The following FMN2 variants were observed in gnomAD, a reference collection of about 807,000 sequenced individuals.
FMN2 encodes formin-2.
Under a neutral mutation model 142.3 loss-of-function variants are expected in FMN2, and 51 were observed. The ratio of observed to expected loss-of-function variants is 0.36; its 90% CI spans 0.29 to 0.45. FMN2 has a LOEUF of 0.45. Ranked by LOEUF, FMN2 falls within the 20% of genes least tolerant of loss-of-function variation. The probability of loss-of-function intolerance (pLI) is 1.00; values close to 1 mark genes in which losing one functional copy is unlikely to be tolerated. For missense variants in FMN2, 1,936 were observed against 2,122.8 expected, an observed-to-expected ratio of 0.91 and a Z score of 1.73; for synonymous variants, 882 against 869.8, an observed-to-expected ratio of 1.01 and a Z score of -0.25.
At chr1:240,156,161 G>A (rs1232056488) in intron 2 of FMN2, among the ~76,000 whole-genome samples, 2 of 152,088 alleles carry the variant, frequency 1.3e-5, no homozygotes, top group African/African-American at 4.8e-5. Context: ...TGAAGCGGGA[G>A]GATCACTTGA....
chr1:240,415,237 G>T (rs183363669), intron 15 of FMN2, among the ~76,000 whole-genome samples: 1 of 152,140 alleles, frequency 6.6e-6, no homozygotes, highest in Non-Finnish European at 1.5e-5. Flanking sequence ...CCTTTGCAGG[G>T]ACATGGATGA....
rs2103386563 is a variant in FMN2, at chr1:240,207,221, C to T, written c.2409C>T (p.Pro803=). The part of the protein sequence containing the change: ...RISVQLDSHQ[P]TQSISQPPPP... ...CAGTCCAGCTCGACAGCCATCAGCC[C>T]ACACAGAGCATCTCACAGCCTCCAC... is the stretch of plus-strand genomic sequence containing the variant. Residue 803 remains proline (P), a synonymous_variant, in exon 5 of 18, where the codon CCC becomes CCT. Coordinates refer to ENST00000319653, the MANE Select transcript of FMN2 (RefSeq NM_020066.5). 1 of 1,614,006 alleles carries T rather than the reference C, an allele frequency of 6.2e-7. No homozygotes were observed. The highest frequency in any genetic ancestry group is 8.5e-7 in the Non-Finnish European group (1 of 1,179,936).
intron 16 of FMN2, among the ~76,000 whole-genome samples, chr1:240,445,060 C>T (rs541362085): frequency 2.1e-4 from 32 of 152,276 alleles, no homozygotes; most frequent in African/African-American, 7.2e-4. Flanking sequence ...CTTCTCAGTG[C>T]CAACTTTCTG....
intron 7 of FMN2, among the ~76,000 whole-genome samples, chr1:240,273,248 C>T (rs1669082060): frequency 6.6e-6 from 1 of 152,156 alleles, no homozygotes; most frequent in Admixed American, 6.6e-5. Flanking sequence ...TAGACAATAG[C>T]TGATCATAAT....
Position 240,208,687 on chromosome 1 carries a change from C to T in FMN2, c.3875C>T (p.Pro1292Leu). The T allele has an allele frequency of 3.7e-6, 6 of 1,613,634 alleles. No homozygotes were observed. Among genetic ancestry groups the T allele is most frequent in the Non-Finnish European group, 5.1e-6 (6 of 1,179,850 alleles). Reference protein sequence around the residue: ...SRKQPIEPCRPMKPLYWTRIQ... With the variant: ...SRKQPIEPCRLMKPLYWTRIQ... ...AAGCAGCCCATAGAGCCTTGTCGAC[C>T]AATGAAGCCTCTTTACTGGACCAGG... Residue 1292 changes from proline to leucine, a missense_variant, in exon 5 of 18, where the codon CCA (proline) becomes CTA (leucine). By Grantham distance (98) the Pro-to-Leu change is moderately conservative. Coordinates refer to ENST00000319653, the MANE Select transcript of FMN2 (RefSeq NM_020066.5).
At chr1:240,329,042 A>C (rs998633977) in intron 8 of FMN2, 34 bp from the exon 9 acceptor site, 29 of 1,593,380 alleles carry the variant, frequency 1.8e-5, no homozygotes, top group Non-Finnish European at 2.5e-5. Context: ...AGTTGGCCAG[A>C]CTTTGAAAAA....
intron 2 of FMN2, chr1:240,143,966 A>G: frequency 2.1e-6 from 3 of 1,420,766 alleles, no homozygotes; most frequent in Non-Finnish European, 3.0e-6. Flanking sequence ...GCTGTTGTGG[A>G]GAACATAGTC....
intron 14 of FMN2, 82 bp from the exon 15 acceptor site, chr1:240,392,429 C>A: frequency 9.4e-7 from 1 of 1,066,920 alleles, no homozygotes; most frequent in Non-Finnish European, 1.4e-6. Flanking sequence ...AAATAAGTTA[C>A]GTTATGTAGG....
intron 16 of FMN2, among the ~76,000 whole-genome samples, chr1:240,448,312 C>G (rs1320223934): frequency 6.6e-6 from 1 of 152,096 alleles, no homozygotes; most frequent in Admixed American, 6.6e-5. Context: ...ACCCACTTCA[C>G]GAACTCTAAG....
At position 240,093,520 on chromosome 1, in the gene FMN2, G is replaced by C; in HGVS notation, c.1411G>C (p.Ala471Pro). The C allele has an allele frequency of 6.3e-7, 1 of 1,587,278 alleles. No individual in the cohort carries two copies. Among genetic ancestry groups the C allele is most frequent in the Non-Finnish European group, 8.6e-7 (1 of 1,169,430 alleles). ...AGCCGCCCCGGCCAAGAAGCACCGG[G>C]CCGACGGCGGCCTTGCGGCCGGCCT... ...SVAAPAKKHR[A>P]DGGLAAGLSR... Residue 471 changes from alanine to proline, a missense_variant, in exon 1 of 18, where the codon GCC (alanine) becomes CCC (proline). By Grantham distance (27) the Ala-to-Pro change is conservative (BLOSUM62 -1). Around this residue, in one of 8 missense-constraint regions of FMN2, gnomAD observed 751 missense variants for 791.8 expected, o/e 0.95. Transcript: ENST00000319653.
In FMN2 at chr1:240,092,773, C is replaced by G; in HGVS notation, c.664C>G (p.Gln222Glu). ...CCAGCTCCAGCTCCAGCAACAGCAG[C>G]AGCAGCAGCAGCTCCAGGGCGCCGA... ...QLQLQLQQQQ[Q>E]QQQLQGAEEP... Residue 222 changes from glutamine to glutamate, a missense_variant, in exon 1 of 18, where the codon CAG (glutamine) becomes GAG (glutamate). Physicochemically the swap from Gln to Glu is conservative, Grantham distance 29. This residue lies in a region of FMN2 where 751 missense variants were observed against 791.8 expected (regional missense o/e 0.95). Transcript: ENST00000319653. 6.2e-7 allele frequency: 1 copy of G among 1,606,924 alleles called. No homozygotes were observed.
intron 8 of FMN2, among the ~76,000 whole-genome samples, chr1:240,307,401 C>A (rs1223624859): frequency 1.3e-5 from 2 of 152,124 alleles, no homozygotes; most frequent in Non-Finnish European, 2.9e-5. Flanking sequence ...GTTTTTAATG[C>A]ATCTTGAGTT....
chr1:240,376,813 T>C (rs1337136155), intron 14 of FMN2, among the ~76,000 whole-genome samples: 2 of 152,260 alleles, frequency 1.3e-5, no homozygotes, highest in South Asian at 4.1e-4. Context: ...ATTTCCACCA[T>C]TGGCTTATAT....
intron 6 of FMN2, among the ~76,000 whole-genome samples, chr1:240,247,090 C>T (rs1558391524): frequency 6.6e-6 from 1 of 152,218 alleles, no homozygotes; most frequent in Non-Finnish European, 1.5e-5. Flanking sequence ...TCCTTTTAGA[C>T]ATCTGTCCTC....
rs1666684192 is a variant in FMN2, at chr1:240,211,321, T to C, written c.4065+86T>C. On this transcript the variant is annotated intron_variant, in intron 6 of 17. Coordinates refer to ENST00000319653, the MANE Select transcript of FMN2 (RefSeq NM_020066.5). Reference sequence around the variant, plus strand: ...TTAGAGAAAACTTTGAAATAGTTTTTGGGCTGTGTAAACCTCCATGGATCT... The same window carrying C: ...TTAGAGAAAACTTTGAAATAGTTTTCGGGCTGTGTAAACCTCCATGGATCT... The C allele has an allele frequency of 2.2e-6, 3 of 1,373,646 alleles. No individual in the cohort carries two copies. In the Admixed American group the frequency reaches 5.8e-5, roughly 27 times the overall value. The allele number at this position is 1,373,646 out of a possible 1,614,324, so 85.1% of individuals were successfully genotyped here.
At chr1:240,386,896 T>C (rs1673422686) in intron 14 of FMN2, among the ~76,000 whole-genome samples, 1 of 152,164 alleles carries the variant, frequency 6.6e-6, no homozygotes, top group Non-Finnish European at 1.5e-5. Flanking sequence ...ATTAACCAAA[T>C]AAATAAAGGC....
At chr1:240,234,508 C>G (rs1020167569) in intron 6 of FMN2, among the ~76,000 whole-genome samples, 5 of 152,130 alleles carry the variant, frequency 3.3e-5, no homozygotes, top group Non-Finnish European at 5.9e-5. Context: ...AGCCCAAATC[C>G]AGTCTGAGTT....
At chr1:240,388,277 A>C (rs1673478564) in intron 14 of FMN2, among the ~76,000 whole-genome samples, 1 of 151,208 alleles carries the variant, frequency 6.6e-6, no homozygotes, top group South Asian at 2.1e-4. Context: ...TCAATGAAAA[A>C]GAAATTATTA....
At chr1:240,447,043 C>A (rs1480747867) in intron 16 of FMN2, among the ~76,000 whole-genome samples, 2 of 152,144 alleles carry the variant, frequency 1.3e-5, no homozygotes, top group African/African-American at 4.8e-5. Context: ...GAAGAGATTG[C>A]CTCCACCTAG....
Sources: allele counts gnomAD v4.1 joint callset (sites outside exome capture counted in the v4.1 genomes callset), GRCh38; gene constraint gnomAD v4.1.1; regional missense constraint gnomAD v4.1.1; transcripts MANE v1.5; gene names NCBI Gene and HGNC (gene_info 2026-07-23, HGNC 2026-07-21).